Variants in PIK3CA observed in about 807,000 individuals in gnomAD.
PIK3CA encodes phosphatidylinositol-4,5-bisphosphate 3-kinase catalytic subunit alpha.
PIK3CA carries 27 observed loss-of-function variants against 138.2 expected under a neutral mutation model. The ratio of observed to expected loss-of-function variants is 0.20; its 90% CI spans 0.14 to 0.27. The LOEUF (loss-of-function observed/expected upper bound fraction) is 0.27. PIK3CA is among the 10% of genes least tolerant of loss of function. PIK3CA has a pLI of 1.00. For missense variants in PIK3CA, 544 were observed against 1,277.4 expected (o/e 0.43, Z 8.75); for synonymous variants, 358 against 413.2 (o/e 0.87, Z 1.62).
intron 1 of PIK3CA, among the ~76,000 whole-genome samples, chr3:179,194,509 AC>A (rs894403361): frequency 6.6e-6 from 1 of 151,988 alleles, no homozygotes; most frequent in Non-Finnish European, 1.5e-5. Context: ...GTGAGCCACA[AC>A]CCCCAGCCCA....
intron 17 of PIK3CA, among the ~76,000 whole-genome samples, chr3:179,228,458 ACTTAT>A (rs1725134274): frequency 6.6e-6 from 1 of 152,042 alleles, no homozygotes; most frequent in East Asian, 1.9e-4. Flanking sequence ...AACTTAAGAA[ACTTAT>A]CTTGTCAGGT....
intron 1 of PIK3CA, among the ~76,000 whole-genome samples, chr3:179,179,138 A>G (rs903879677): frequency 3.3e-5 from 5 of 152,256 alleles, no homozygotes; most frequent in Non-Finnish European, 7.3e-5. Context: ...GGATAAGCAT[A>G]AGAATATTAA....
chr3:179,181,575 A>C (rs941624956), intron 1 of PIK3CA, among the ~76,000 whole-genome samples: 2 of 152,208 alleles, frequency 1.3e-5, no homozygotes, highest in African/African-American at 2.4e-5. Context: ...TGCAATAGAA[A>C]TAGGACCCAT....
At chr3:179,190,820 A>T (rs1724115962) in intron 1 of PIK3CA, among the ~76,000 whole-genome samples, 1 of 152,220 alleles carries the variant, frequency 6.6e-6, no homozygotes, top group South Asian at 2.1e-4. Context: ...AGACTCAGAT[A>T]AGGGCCAGAC....
At chr3:179,190,632 C>CT (rs1215291671) in intron 1 of PIK3CA, among the ~76,000 whole-genome samples, 5 of 150,944 alleles carry the variant, frequency 3.3e-5, no homozygotes, top group South Asian at 2.1e-4. Context: ...ATCAGAAAAG[C>CT]TTTTTTTTTC....
intron 1 of PIK3CA, among the ~76,000 whole-genome samples, chr3:179,193,443 G>A (rs1181171032): frequency 6.6e-6 from 1 of 152,192 alleles, no homozygotes; most frequent in Admixed American, 6.5e-5. Context: ...ACCATTGATT[G>A]CTAGAAAACA....
intron 9 of PIK3CA, among the ~76,000 whole-genome samples, chr3:179,211,250 A>G (rs1461655555): frequency 6.6e-6 from 1 of 152,236 alleles, no homozygotes; most frequent in East Asian, 1.9e-4. Context: ...GCAAACATAT[A>G]TAAAGATGCA....
chr3:179,235,565 T>C lies in PIK3CA; in HGVS notation c.*1201T>C, dbSNP rs1401583923. 5.0e-6 allele frequency: 1 copy of C among 200,426 alleles called. No individual in the cohort carries two copies. The highest frequency in any genetic ancestry group is 2.3e-5 in the African/African-American group (1 of 43,528). The allele number at this position is 200,426 out of a possible 1,614,324, so 12.4% of individuals were successfully genotyped here. Reference sequence around the variant, plus strand: ...GAATCTCCCGTCTTCCATTCTCTTTTATAATTGAGAATGTCTCAATCATAT... The same window carrying C: ...GAATCTCCCGTCTTCCATTCTCTTTCATAATTGAGAATGTCTCAATCATAT... On this transcript the variant is annotated 3_prime_UTR_variant, in exon 21 of 21. Transcript: ENST00000263967.
At position 179,198,769 on chromosome 3, in the gene PIK3CA, C is replaced by A; in HGVS notation, c.-57C>A. 1.0e-6 allele frequency: 1 copy of A among 974,696 alleles called. No homozygotes were observed. Among genetic ancestry groups the A allele is most frequent in the Non-Finnish European group, 1.5e-6 (1 of 664,432 alleles). The allele number at this position is 974,696 out of a possible 1,614,324, so 60.4% of individuals were successfully genotyped here. ...ATTTAGGTTTCTGCTTTGGGACAAC[C>A]ATACATCTAATTCCTTAAAGTAGTT... On this transcript the variant is annotated 5_prime_UTR_variant, in exon 2 of 21. Transcript: ENST00000263967.
intron 8 of PIK3CA, 35 bp from the exon 9 acceptor site, chr3:179,210,394 CTT>C (rs1485012836): frequency 1.3e-6 from 2 of 1,596,922 alleles, no homozygotes; most frequent in African/African-American, 2.7e-5. Context: ...AACCTTCTCT[CTT>C]ATGTATATAT....
intron 1 of PIK3CA, among the ~76,000 whole-genome samples, chr3:179,158,490 G>A (rs1723194386): frequency 6.6e-6 from 1 of 151,858 alleles, no homozygotes; most frequent in South Asian, 2.1e-4. Context: ...TCCTTTCCCT[G>A]TCTTGTCTTT....
At position 179,230,090 on chromosome 3, in the gene PIK3CA, A is replaced by G; in HGVS notation, c.2753A>G (p.Asn918Ser). 1 of 1,612,694 alleles carries G rather than the reference A, an allele frequency of 6.2e-7. No individual in the cohort carries two copies. Among genetic ancestry groups the G allele is most frequent in the Non-Finnish European group, 8.5e-7 (1 of 1,178,800 alleles). ...ATTTTGGGAATTGGAGATCGTCACA[A>G]TAGTAACATCATGGTGAAAGACGAT... ...TFILGIGDRHNSNIMVKDDGQ... is the reference protein window; with the variant it reads ...TFILGIGDRHSSNIMVKDDGQ... The change falls in exon 19 of 21, where the codon AAT (asparagine) becomes AGT (serine). Residue 918 changes from asparagine (N) to serine (S), a missense_variant. Transcript: ENST00000263967. The surrounding 1 kb of genome is among the most constrained non-coding windows in gnomAD (Gnocchi z 5.4).
At chr3:179,194,846 C>T (rs187357044) in intron 1 of PIK3CA, among the ~76,000 whole-genome samples, 6 of 152,232 alleles carry the variant, frequency 3.9e-5, no homozygotes, top group Admixed American at 3.9e-4. Context: ...CCCTAATCTC[C>T]TCAGGCTTTT....
At chr3:179,182,085 A>G (rs1354074472) in intron 1 of PIK3CA, among the ~76,000 whole-genome samples, 2 of 152,188 alleles carry the variant, frequency 1.3e-5, no homozygotes, top group Non-Finnish European at 2.9e-5. Flanking sequence ...GTGACGGCTT[A>G]AAGTTTTAGA....
intron 15 of PIK3CA, 27 bp downstream of exon 15, chr3:179,224,214 T>G (rs776144279): frequency 9.2e-6 from 10 of 1,085,814 alleles, no homozygotes; most frequent in Non-Finnish European, 1.4e-5. Flanking sequence ...TTCATTGATA[T>G]ATTTAAATAA....
At chr3:179,216,346 C>T (rs1423515152) in intron 9 of PIK3CA, among the ~76,000 whole-genome samples, 1 of 152,106 alleles carries the variant, frequency 6.6e-6, no homozygotes, top group African/African-American at 2.4e-5. Flanking sequence ...ACCTGAACAG[C>T]CTGTTTTACA....
intron 1 of PIK3CA, among the ~76,000 whole-genome samples, chr3:179,149,026 C>T (rs1404635066): frequency 6.6e-6 from 1 of 152,114 alleles, no homozygotes; most frequent in African/African-American, 2.4e-5. Context: ...GGCGCGAAAC[C>T]GCGAGCTTTT....
intron 1 of PIK3CA, among the ~76,000 whole-genome samples, chr3:179,183,748 T>C (rs1723906934): frequency 6.6e-6 from 1 of 152,148 alleles, no homozygotes; most frequent in Non-Finnish European, 1.5e-5. Flanking sequence ...AAAAAGATAA[T>C]AGCAAGGATA....
intron 1 of PIK3CA, among the ~76,000 whole-genome samples, chr3:179,157,724 T>C (rs1402014280): frequency 6.6e-6 from 1 of 152,130 alleles, no homozygotes; most frequent in Non-Finnish European, 1.5e-5. Flanking sequence ...CCACAAAATA[T>C]GGTCGATGTA....
Sources: gnomAD v4.1 joint callset for allele counts (sites outside exome capture counted in the v4.1 genomes callset) on GRCh38, gnomAD v4.1.1 for gene constraint, Gnocchi (gnomAD v3.1) non-coding constraint, MANE v1.5 for transcripts, NCBI Gene and HGNC (gene_info 2026-07-23, HGNC 2026-07-21) for gene names.